GRM5: variants seen among roughly 807,000 people sequenced by gnomAD.
GRM5 encodes the protein glutamate metabotropic receptor 5.
Under a neutral mutation model 83.1 loss-of-function variants are expected in GRM5, and 19 were observed. The observed-to-expected ratio is 0.23, with a 90% CI of 0.16 to 0.34. The LOEUF is 0.34. Among genes scored for constraint, GRM5 ranks in the 10% least tolerant of loss-of-function variants. GRM5 has a pLI of 1.00. For synonymous variants in GRM5, 675 were observed against 633.6 expected (o/e 1.07, Z -0.98); for missense variants, 1,160 against 1,588.3 (o/e 0.73, Z 4.58).
intron 1 of GRM5, among the ~76,000 whole-genome samples, chr11:89,059,508 T>C (rs923592344): frequency 2.0e-5 from 3 of 152,166 alleles, no homozygotes; most frequent in Non-Finnish European, 2.9e-5. Flanking sequence ...CATAAAAGTT[T>C]GGAAATCAGA....
At chr11:88,928,226 T>G (rs2135641699) in intron 2 of GRM5, among the ~76,000 whole-genome samples, 1 of 152,102 alleles carries the variant, frequency 6.6e-6, no homozygotes, top group East Asian at 1.9e-4. Context: ...CATTTAGGAA[T>G]TCTGGGTTTT....
chr11:88,642,969 C>T (rs1290252803), intron 4 of GRM5, among the ~76,000 whole-genome samples: 1 of 152,050 alleles, frequency 6.6e-6, no homozygotes, highest in South Asian at 2.1e-4. Flanking sequence ...TTACCTGGTT[C>T]CAAATGTGCT....
At chr11:88,767,891 C>G (rs1942654039) in intron 3 of GRM5, among the ~76,000 whole-genome samples, 1 of 151,794 alleles carries the variant, frequency 6.6e-6, no homozygotes, top group African/African-American at 2.4e-5. Flanking sequence ...CTATGAGATA[C>G]CACCTTACAC....
intron 3 of GRM5, among the ~76,000 whole-genome samples, chr11:88,730,410 A>G (rs551829332): frequency 6.6e-6 from 1 of 152,302 alleles, no homozygotes; most frequent in East Asian, 1.9e-4. Flanking sequence ...ATGCTTTCAC[A>G]CTGTTGGTGG....
intron 2 of GRM5, among the ~76,000 whole-genome samples, chr11:88,893,142 C>CAAA (rs398017016): frequency 7.6e-5 from 9 of 118,584 alleles, no homozygotes; most frequent in African/African-American, 2.1e-4. Flanking sequence ...TAATAGTCAC[C>CAAA]AAAAAAAAAA....
At chr11:88,797,333 A>C (rs1371177705) in intron 3 of GRM5, among the ~76,000 whole-genome samples, 1 of 151,984 alleles carries the variant, frequency 6.6e-6, no homozygotes, top group African/African-American at 2.4e-5. Flanking sequence ...GTAGAGACGG[A>C]GTTTCACCAT....
At chr11:88,945,557 C>G (rs576687024) in intron 2 of GRM5, among the ~76,000 whole-genome samples, 1 of 151,668 alleles carries the variant, frequency 6.6e-6, no homozygotes, top group Non-Finnish European at 1.5e-5. Flanking sequence ...GATAGACCAA[C>G]GGAACAGAAC....
chr11:89,051,420 T>G (rs1226764857), intron 1 of GRM5, among the ~76,000 whole-genome samples: 3 of 151,756 alleles, frequency 2.0e-5, no homozygotes, highest in African/African-American at 7.3e-5. Context: ...TAAAAAAAAT[T>G]TAATGTTGGC....
At chr11:89,034,819 T>C (rs1418508303) in intron 2 of GRM5, among the ~76,000 whole-genome samples, 1 of 150,244 alleles carries the variant, frequency 6.7e-6, no homozygotes, top group African/African-American at 2.4e-5. Context: ...TCTTGTCAAA[T>C]TAAAGTACTA....
intron 2 of GRM5, among the ~76,000 whole-genome samples, chr11:88,908,830 C>T (rs1030003036): frequency 2.6e-5 from 4 of 152,072 alleles, no homozygotes; most frequent in Non-Finnish European, 4.4e-5. Context: ...TTTCAGAATG[C>T]CCAGTGAATG....
intron 4 of GRM5, among the ~76,000 whole-genome samples, chr11:88,621,788 T>C (rs531159293): frequency 2.6e-5 from 4 of 152,266 alleles, no homozygotes; most frequent in African/African-American, 9.6e-5. Flanking sequence ...TTCCATCTCT[T>C]ATAATAAGCA....
intron 3 of GRM5, among the ~76,000 whole-genome samples, chr11:88,721,942 A>AAAAC (rs1941549875): frequency 6.6e-6 from 1 of 152,176 alleles, no homozygotes; most frequent in African/African-American, 2.4e-5. Flanking sequence ...TCTTTCCAGA[A>AAAAC]AAACAGACTG....
intron 1 of GRM5, among the ~76,000 whole-genome samples, chr11:89,064,888 C>CTCTCTCTCTGTGTG (rs1218318990): frequency 5.3e-4 from 33 of 62,252 alleles, no homozygotes; most frequent in African/African-American, 2.2e-3. Context: ...CTCTCTCTCT[C>CTCTCTCTCTGTGTG]TGTGTGTGTG....
intron 3 of GRM5, among the ~76,000 whole-genome samples, chr11:88,844,449 G>A (rs1248793328): frequency 1.3e-5 from 2 of 151,706 alleles, no homozygotes; most frequent in East Asian, 1.9e-4. Flanking sequence ...CAATGTGCCC[G>A]GCCAGCCAGG....
At position 88,857,665 on chromosome 11, in the gene GRM5, T is replaced by C. The variant is rs540448540; in HGVS notation, c.662-7510A>G. On this transcript the variant is annotated intron_variant, in intron 2 of 9. Transcript: ENST00000305447. ...GCAATGGATGTGGCATTCTAAACTCTGTATTACACTCATTTGTTTATATTT... is the reference window on the plus strand; with the variant it reads ...GCAATGGATGTGGCATTCTAAACTCCGTATTACACTCATTTGTTTATATTT... 2.6e-3 allele frequency among the ~76,000 whole-genome samples: 401 copies of C among 152,264 alleles called. 2 individuals carry two copies. The highest frequency in any genetic ancestry group is 9.4e-3 in the African/African-American group (389 of 41,588).
intron 4 of GRM5, among the ~76,000 whole-genome samples, chr11:88,619,986 A>G (rs182965028): frequency 5.8e-4 from 88 of 152,280 alleles, no homozygotes; most frequent in Admixed American, 1.8e-3. Context: ...TTCTTTATGC[A>G]TATGGCAAAT....
At chr11:88,587,937 T>C (rs537099028) in intron 7 of GRM5, among the ~76,000 whole-genome samples, 3 of 152,334 alleles carry the variant, frequency 2.0e-5, no homozygotes, top group Admixed American at 2.0e-4. Flanking sequence ...TAAATGTACA[T>C]GCTTTTCTCT....
intron 6 of GRM5, among the ~76,000 whole-genome samples, chr11:88,596,765 CATG>C (rs951390286): frequency 4.6e-5 from 7 of 152,036 alleles, no homozygotes; most frequent in Non-Finnish European, 1.0e-4. Context: ...TATCTGTGTC[CATG>C]ATATTTTCTC....
intron 3 of GRM5, among the ~76,000 whole-genome samples, chr11:88,797,387 G>A (rs12797798): frequency 0.22 from 32,810 of 152,032 alleles, 4,706 homozygotes; most frequent in Non-Finnish European, 0.32. Context: ...TGATCCATCC[G>A]CCTCGGCCTC....
Sources: allele counts gnomAD v4.1 joint callset (sites outside exome capture counted in the v4.1 genomes callset), GRCh38; gene constraint gnomAD v4.1.1; transcripts MANE v1.5; gene names NCBI Gene and HGNC (gene_info 2026-07-23, HGNC 2026-07-21).